The following HACL2 variants were observed in gnomAD, a reference collection of about 807,000 sequenced individuals.
HACL2 encodes 2-hydroxyacyl-CoA lyase 2, also known as 2-hydroxyacyl-CoA lyase 1 like.
the HACL2 span, chr19:15,123,564 T>C: frequency 1.9e-6 from 3 of 1,613,882 alleles, no homozygotes; most frequent in Admixed American, 1.7e-5. This position sits in a 1 kb window ranked among gnomAD's most constrained non-coding sequence, Gnocchi z 5.1. Context: ...TGCCGGACGC[T>C]TGCCTTGTCC....
At chr19:15,123,614 C>G in the HACL2 span, 1 of 1,589,836 alleles carries the variant, frequency 6.3e-7, no homozygotes, top group Non-Finnish European at 8.6e-7. This position sits in a 1 kb window ranked among gnomAD's most constrained non-coding sequence, Gnocchi z 5.1. Flanking sequence ...AAGTTAAAGG[C>G]CAGGGCAGAG....
At chr19:15,116,441 C>CCCA in the HACL2 span, 10 of 1,613,900 alleles carry the variant, frequency 6.2e-6, no homozygotes, top group African/African-American at 1.3e-5. Flanking sequence ...GTCGGCTTCC[C>CCCA]GCAGCTCCTC....
At chr19:15,116,555 C>G in the HACL2 span, 1 of 1,555,932 alleles carries the variant, frequency 6.4e-7, no homozygotes, top group Non-Finnish European at 8.8e-7. Context: ...CTGTGGGGAG[C>G]TGGCTTCCTC....
chr19:15,119,036 C>G, the HACL2 span: 1 of 1,046,222 alleles, frequency 9.6e-7, no homozygotes. Flanking sequence ...GGGTTCAAAG[C>G]GCTTTATGTG....
the HACL2 span, among the ~76,000 whole-genome samples, chr19:15,120,664 G>C: frequency 2.5e-4 from 38 of 152,296 alleles, no homozygotes; most frequent in Admixed American, 2.1e-3. Flanking sequence ...TCCCCTCAGG[G>C]GGCGCTCTAT....
At chr19:15,122,603 C>T in the HACL2 span, 2 of 1,087,732 alleles carry the variant, frequency 1.8e-6, no homozygotes, top group Non-Finnish European at 2.8e-6. The surrounding 1 kb of genome is among the most constrained non-coding windows in gnomAD (Gnocchi z 4.0). Context: ...TCCCAGTCCA[C>T]ATGTGAATCA....
At chr19:15,117,943 C>G in the HACL2 span, 1 of 1,614,144 alleles carries the variant, frequency 6.2e-7, no homozygotes, top group Non-Finnish European at 8.5e-7. Flanking sequence ...TTCCCGATTA[C>G]GATTGACGAT....
the HACL2 span, chr19:15,123,094 C>G: frequency 1.2e-6 from 2 of 1,612,780 alleles, no homozygotes; most frequent in South Asian, 1.1e-5. The surrounding 1 kb of genome is among the most constrained non-coding windows in gnomAD (Gnocchi z 5.1). Flanking sequence ...TAGGCCCCCA[C>G]TGGCCCCCAA....
the HACL2 span, chr19:15,125,071 TAA>T: frequency 3.3e-6 from 5 of 1,530,240 alleles, no homozygotes; most frequent in African/African-American, 5.6e-5. Context: ...AGGTGGTACC[TAA>T]GAGAGAAAGG....
chr19:15,118,672 T>C, the HACL2 span, among the ~76,000 whole-genome samples: 1 of 152,108 alleles, frequency 6.6e-6, no homozygotes, highest in Admixed American at 6.5e-5. Context: ...CCTAGCCCCA[T>C]AGTTTTCTCA....
the HACL2 span, chr19:15,116,040 T>C: frequency 6.2e-7 from 1 of 1,613,930 alleles, no homozygotes; most frequent in Non-Finnish European, 8.5e-7. Flanking sequence ...CAAGTGCAAA[T>C]CCTGCACCAA....
the HACL2 span, chr19:15,116,162 C>A: frequency 5.0e-6 from 8 of 1,613,382 alleles, no homozygotes; most frequent in African/African-American, 1.3e-5. Flanking sequence ...CAGGATCGAG[C>A]CAGCGCAGGG....
chr19:15,118,048 G>A, the HACL2 span: 1 of 1,613,110 alleles, frequency 6.2e-7, no homozygotes, highest in Non-Finnish European at 8.5e-7. Context: ...AGTAGGCAGA[G>A]GCCCCATGTC....
chr19:15,115,824 A>G, the HACL2 span: 1 of 1,611,926 alleles, frequency 6.2e-7, no homozygotes, highest in Non-Finnish European at 8.5e-7. Flanking sequence ...CCAGGCCCTA[A>G]GCTTCCCTCA....
chr19:15,116,016 G>A, the HACL2 span: 1 of 1,614,028 alleles, frequency 6.2e-7, no homozygotes. Flanking sequence ...CATCTGGCCG[G>A]CACAGCTTGG....
the HACL2 span, chr19:15,123,835 T>G: frequency 1.8e-6 from 1 of 540,740 alleles, no homozygotes; most frequent in Non-Finnish European, 3.3e-6. The surrounding 1 kb of genome is among the most constrained non-coding windows in gnomAD (Gnocchi z 5.1). Flanking sequence ...GAAAGTTCAA[T>G]AGAACCCACG....
the HACL2 span, among the ~76,000 whole-genome samples, chr19:15,118,312 G>A: frequency 6.6e-6 from 1 of 152,166 alleles, no homozygotes; most frequent in African/African-American, 2.4e-5. Context: ...ATGGAGAGAG[G>A]TGCAGCCTAG....
At chr19:15,115,491 C>A in the HACL2 span, 1 of 1,601,358 alleles carries the variant, frequency 6.2e-7, no homozygotes, top group African/African-American at 1.3e-5. Flanking sequence ...ATGCAGCCAG[C>A]CCAGGAGAGG....
the HACL2 span, among the ~76,000 whole-genome samples, chr19:15,120,907 G>A: frequency 5.9e-5 from 9 of 152,172 alleles, no homozygotes; most frequent in East Asian, 1.5e-3. Flanking sequence ...ACTCCAGCCT[G>A]GGTGATAGAG....
Sources: allele counts gnomAD v4.1 joint callset (sites outside exome capture counted in the v4.1 genomes callset), GRCh38; gene constraint gnomAD v4.1.1; non-coding constraint Gnocchi (gnomAD v3.1); transcripts MANE v1.5; gene names NCBI Gene and HGNC (gene_info 2026-07-23, HGNC 2026-07-21).